GRIK2: variants seen among roughly 807,000 people sequenced by gnomAD.
GRIK2 encodes the protein glutamate receptor ionotropic, kainate 2.
Under a neutral mutation model 100.3 loss-of-function variants are expected in GRIK2, and 32 were observed. The observed-to-expected ratio is 0.32, with a 90% confidence interval of 0.24 to 0.43. GRIK2 has a LOEUF of 0.43. Ranked by LOEUF, GRIK2 falls within the 20% of genes least tolerant of loss-of-function variation. The probability of loss-of-function intolerance (pLI) is 1.00; values close to 1 mark genes in which losing one functional copy is unlikely to be tolerated. For missense variants in GRIK2, 843 were observed against 1,114.9 expected (o/e 0.76, Z 3.47); for synonymous variants, 417 against 389.4 (o/e 1.07, Z -0.83).
intron 2 of GRIK2, among the ~76,000 whole-genome samples, chr6:101,576,345 C>T (rs959898916): frequency 6.6e-6 from 1 of 152,046 alleles, no homozygotes; most frequent in Non-Finnish European, 1.5e-5. Flanking sequence ...ATGAAAGTCT[C>T]AGTCAATGCT....
intron 2 of GRIK2, among the ~76,000 whole-genome samples, chr6:101,545,686 T>C: frequency 6.6e-6 from 1 of 152,142 alleles, no homozygotes; most frequent in Non-Finnish European, 1.5e-5. Flanking sequence ...TACAAGCAAC[T>C]TTTTACTAGG....
At position 101,810,336 on chromosome 6, in the gene GRIK2, A is replaced by C. The variant is rs143562068; in HGVS notation, c.1203+7898A>C. Reference sequence around the variant, plus strand: ...TGCCCTAAACTAAAATAAAAATCTTAAATGAGAAAAATCAGTGTTTAGTTA... The same window carrying C: ...TGCCCTAAACTAAAATAAAAATCTTCAATGAGAAAAATCAGTGTTTAGTTA... On this transcript the variant is annotated intron_variant, in intron 9 of 16. Coordinates refer to ENST00000369134, the MANE Select transcript of GRIK2 (RefSeq NM_021956.5). Among the ~76,000 whole-genome samples the C allele has an allele frequency of 5.2e-3, 786 of 152,146 alleles. 6 individuals carry two copies. Among genetic ancestry groups the C allele is most frequent in the African/African-American group, 0.018 (746 of 41,534 alleles).
At chr6:101,848,852 A>G (rs1183807699) in intron 10 of GRIK2, among the ~76,000 whole-genome samples, 1 of 152,110 alleles carries the variant, frequency 6.6e-6, no homozygotes, top group African/African-American at 2.4e-5. Flanking sequence ...TAATGAGTTG[A>G]TAACATTTTT....
chr6:101,504,519 T>G (rs2128275399), intron 2 of GRIK2, among the ~76,000 whole-genome samples: 1 of 151,926 alleles, frequency 6.6e-6, no homozygotes, highest in South Asian at 2.1e-4. Flanking sequence ...TTGTCATGTA[T>G]TTAAGAAAAA....
At chr6:101,953,306 G>A (rs531783554) in intron 14 of GRIK2, among the ~76,000 whole-genome samples, 4 of 152,214 alleles carry the variant, frequency 2.6e-5, no homozygotes, top group African/African-American at 9.6e-5. Flanking sequence ...GGGTCAAGTG[G>A]TAAATATATG....
At position 101,929,101 on chromosome 6, in the gene GRIK2, C is replaced by T. The variant is rs9498753; in HGVS notation, c.2085+469C>T. On this transcript the variant is annotated intron_variant, in intron 14 of 16. Transcript: ENST00000369134. ...ACAGAGACAGTCCTTATTATCTATA[C>T]GTTCACCAAGGTAATAGTCTGGGAG... 2.9e-3 allele frequency among the ~76,000 whole-genome samples: 448 copies of T among 152,186 alleles called. 3 individuals are homozygous for T. Among genetic ancestry groups the T allele is most frequent in the African/African-American group, 9.7e-3 (403 of 41,542 alleles).
At chr6:101,900,623 C>A (rs960905460) in intron 12 of GRIK2, among the ~76,000 whole-genome samples, 2 of 151,914 alleles carry the variant, frequency 1.3e-5, no homozygotes, top group African/African-American at 4.8e-5. Context: ...AATAGAGTGT[C>A]TATTTTCAAA....
At position 101,821,004 on chromosome 6, in the gene GRIK2, G is replaced by A. The variant is rs540804715; in HGVS notation, c.1317+2521G>A. ...ATTTTACACTTTCTGATTTCTCAAT[G>A]TCGGAGAAAAGTGCCTTGGGTATAG... On this transcript the variant is annotated intron_variant, in intron 10 of 16. Coordinates refer to ENST00000369134, the MANE Select transcript of GRIK2 (RefSeq NM_021956.5). Among the ~76,000 whole-genome samples, 67 of 152,210 alleles carry A rather than the reference G, an allele frequency of 4.4e-4. 1 individual carries two copies. The highest frequency in any genetic ancestry group is 1.6e-3 in the African/African-American group (65 of 41,552).
chr6:101,947,191 CA>C (rs1744054757), intron 14 of GRIK2, among the ~76,000 whole-genome samples: 1 of 152,128 alleles, frequency 6.6e-6, no homozygotes. Flanking sequence ...TCACTTGATA[CA>C]ACACCCTTTA....
Position 101,985,269 on chromosome 6 carries a change from A to G in GRIK2, c.2086-50072A>G, listed in dbSNP as rs141718106. ...GTATTTTTGTATTGTATTCTAGGCT[A>G]CATGCTGTTACATCATTAAAGGAAA... On this transcript the variant is annotated intron_variant, in intron 14 of 16. Coordinates refer to ENST00000369134, the MANE Select transcript of GRIK2 (RefSeq NM_021956.5). 2.0e-3 allele frequency among the ~76,000 whole-genome samples: 311 copies of G among 151,916 alleles called. 1 individual carries two copies. The highest frequency in any genetic ancestry group is 7.3e-3 in the African/African-American group (303 of 41,548).
rs551608762 is a variant in GRIK2, at chr6:102,061,915, TA to T, written c.2562+6343del. The stretch of plus-strand genomic sequence containing the variant: ...GCATTAGTTATTTGGATGTAACTCT[TA>T]AAAAAAATCGTATCATTATGACTAC... On this transcript the variant is annotated intron_variant, in intron 16 of 16. Transcript: ENST00000369134. 2.1e-3 allele frequency among the ~76,000 whole-genome samples: 312 copies of T among 150,274 alleles called. 1 individual carries two copies. Among genetic ancestry groups the T allele is most frequent in the African/African-American group, 7.4e-3 (305 of 41,330 alleles).
chr6:101,920,482 G>A (rs1371208443), intron 12 of GRIK2, among the ~76,000 whole-genome samples: 1 of 151,864 alleles, frequency 6.6e-6, no homozygotes, highest in African/African-American at 2.4e-5. Context: ...GAGCAGATGA[G>A]AAGTACAGTT....
intron 4 of GRIK2, among the ~76,000 whole-genome samples, chr6:101,652,074 T>C (rs1157588609): frequency 6.6e-6 from 1 of 152,176 alleles, no homozygotes; most frequent in African/African-American, 2.4e-5. Context: ...CTGGAGGTCA[T>C]TGGCAATCTT....
chr6:101,505,610 G>T (rs111900828), intron 2 of GRIK2, among the ~76,000 whole-genome samples: 1 of 151,942 alleles, frequency 6.6e-6, no homozygotes, highest in Non-Finnish European at 1.5e-5. Context: ...TCAAATTATT[G>T]GTCTAGTTTG....
intron 10 of GRIK2, among the ~76,000 whole-genome samples, chr6:101,832,951 AT>A (rs1451114351): frequency 2.0e-5 from 3 of 152,198 alleles, no homozygotes; most frequent in Admixed American, 2.0e-4. Context: ...CACAAATACA[AT>A]TTTAAAAGTG....
intron 2 of GRIK2, among the ~76,000 whole-genome samples, chr6:101,572,429 G>A (rs896600389): frequency 6.6e-5 from 10 of 152,076 alleles, no homozygotes; most frequent in African/African-American, 2.4e-4. Flanking sequence ...CTGTAAGTGT[G>A]CGTAATACAA....
chr6:101,668,814 G>A (rs1016902963), intron 4 of GRIK2, among the ~76,000 whole-genome samples: 3 of 152,194 alleles, frequency 2.0e-5, no homozygotes, highest in African/African-American at 2.4e-5. Flanking sequence ...TGCCGTAGAA[G>A]TGGTGTGATT....
intron 14 of GRIK2, among the ~76,000 whole-genome samples, chr6:102,021,795 T>C (rs898363269): frequency 1.3e-5 from 2 of 151,490 alleles, no homozygotes; most frequent in Non-Finnish European, 3.0e-5. Flanking sequence ...ATTATAATTA[T>C]GATTTCTTTA....
chr6:101,700,473 G>A (rs191520465), intron 7 of GRIK2, among the ~76,000 whole-genome samples: 1 of 152,036 alleles, frequency 6.6e-6, no homozygotes. Context: ...GTTAGAACAG[G>A]AGAGTGCAAT....
Sources: allele counts gnomAD v4.1 joint callset (sites outside exome capture counted in the v4.1 genomes callset), GRCh38; gene constraint gnomAD v4.1.1; transcripts MANE v1.5; gene names NCBI Gene and HGNC (gene_info 2026-07-23, HGNC 2026-07-21).